Variants in NCOA3 observed in about 807,000 individuals in gnomAD.
The protein encoded by NCOA3 is CBP-interacting protein.
NCOA3 carries 51 observed loss-of-function variants against 158.8 expected under a neutral mutation model. The observed-to-expected ratio is 0.32, with a 90% CI of 0.26 to 0.41. The LOEUF is 0.41. Among genes scored for constraint, NCOA3 ranks in the 10% least tolerant of loss-of-function variants. NCOA3 has a pLI of 1.00. For missense variants in NCOA3, 1,510 were observed against 1,746.6 expected, an observed-to-expected ratio of 0.86 and a Z score of 2.41; for synonymous variants, 537 against 592.4, an observed-to-expected ratio of 0.91 and a Z score of 1.36.
At chr20:47,544,426 C>T (rs1016893414) in intron 1 of NCOA3, among the ~76,000 whole-genome samples, 2 of 149,548 alleles carry the variant, frequency 1.3e-5, no homozygotes, top group African/African-American at 2.5e-5. Context: ...TGGGTTTAAG[C>T]GGTCCTTCTG....
At chr20:47,633,692 T>A in intron 9 of NCOA3, 56 bp downstream of exon 9, 1 of 1,553,440 alleles carries the variant, frequency 6.4e-7, no homozygotes, top group Non-Finnish European at 8.7e-7. Context: ...AGACAGGGCC[T>A]TGCTATCTTG....
At chr20:47,639,538 A>T in intron 14 of NCOA3, 39 bp from the exon 15 acceptor site, 1 of 1,607,092 alleles carries the variant, frequency 6.2e-7, no homozygotes. Context: ...GGATTTCATT[A>T]TAATATGGAA....
intron 1 of NCOA3, among the ~76,000 whole-genome samples, chr20:47,502,616 G>A (rs1220670512): frequency 2.0e-5 from 3 of 151,884 alleles, no homozygotes; most frequent in Non-Finnish European, 2.9e-5. Flanking sequence ...GTAAAAAGGC[G>A]TTTTACTACC....
intron 1 of NCOA3, among the ~76,000 whole-genome samples, chr20:47,507,346 C>T (rs1489331678): frequency 6.6e-6 from 1 of 151,934 alleles, no homozygotes; most frequent in Non-Finnish European, 1.5e-5. Flanking sequence ...ATGCTTTTAC[C>T]TTTAAAAAGA....
chr20:47,504,983 TA>T (rs1347020832), intron 1 of NCOA3, among the ~76,000 whole-genome samples: 1 of 133,484 alleles, frequency 7.5e-6, no homozygotes, highest in Non-Finnish European at 1.6e-5. Context: ...ATGGTTAAAA[TA>T]AATGGCTTTG....
chr20:47,617,247 C>T (rs1297827592), intron 2 of NCOA3, among the ~76,000 whole-genome samples: 13 of 152,294 alleles, frequency 8.5e-5, no homozygotes, highest in African/African-American at 2.9e-4. Flanking sequence ...TGAGCCACCG[C>T]GCCTGGCCTA....
chr20:47,515,195 G>T (rs184287024), intron 1 of NCOA3, among the ~76,000 whole-genome samples: 2 of 150,288 alleles, frequency 1.3e-5, no homozygotes, highest in Non-Finnish European at 1.5e-5. Flanking sequence ...ATGGAGTCTC[G>T]CTCTGTTGCC....
intron 1 of NCOA3, among the ~76,000 whole-genome samples, chr20:47,573,497 C>T (rs1044700299): frequency 2.0e-5 from 3 of 152,102 alleles, no homozygotes; most frequent in African/African-American, 7.2e-5. Flanking sequence ...AGGAGCATCA[C>T]CAAAATGTAA....
chr20:47,540,861 G>A (rs1390653209), intron 1 of NCOA3, among the ~76,000 whole-genome samples: 1 of 152,060 alleles, frequency 6.6e-6, no homozygotes, highest in African/African-American at 2.4e-5. Flanking sequence ...TTGGGGCTGG[G>A]GTAATCTAGG....
chr20:47,614,075 A>ACT (rs376996651), intron 2 of NCOA3, among the ~76,000 whole-genome samples: 70,150 of 151,656 alleles, frequency 0.46, 16,753 homozygotes, highest in Middle Eastern at 0.59. Context: ...CACGTTATAA[A>ACT]AGCTCTTCCC....
chr20:47,528,331 T>A (rs1471366162), intron 1 of NCOA3, among the ~76,000 whole-genome samples: 1 of 152,206 alleles, frequency 6.6e-6, no homozygotes, highest in Non-Finnish European at 1.5e-5. Context: ...GGCCTAGAGC[T>A]TCATCTTTTT....
In NCOA3 at chr20:47,548,239, T is replaced by TA. The variant is rs3091531; in HGVS notation, c.-98-34932dup. Among the ~76,000 whole-genome samples, 631 of 148,446 alleles carry TA rather than the reference T, an allele frequency of 4.3e-3. 8 individuals carry two copies. Among genetic ancestry groups the TA allele is most frequent in the African/African-American group, 0.014 (570 of 40,700 alleles). On this transcript the variant is annotated intron_variant, in intron 1 of 22. Coordinates refer to ENST00000371998, the MANE Select transcript of NCOA3 (RefSeq NM_181659.3). ...TAAGCCTAATAAAAAAAGGTTCCTT[T>TA]AAAAAAAAAAAATTCATTCTAGGCC...
At chr20:47,578,188 A>G (rs1344625612) in intron 1 of NCOA3, among the ~76,000 whole-genome samples, 2 of 151,504 alleles carry the variant, frequency 1.3e-5, no homozygotes, top group African/African-American at 4.8e-5. Flanking sequence ...ATATAACTTT[A>G]TTATTATTAT....
intron 1 of NCOA3, among the ~76,000 whole-genome samples, chr20:47,517,139 A>G (rs1185560035): frequency 6.6e-6 from 1 of 152,054 alleles, no homozygotes; most frequent in Non-Finnish European, 1.5e-5. Context: ...AATTGCTTGA[A>G]CCTTGGAGGT....
At chr20:47,623,140 G>A (rs907803079) in intron 3 of NCOA3, 8 of 152,172 alleles carry the variant, frequency 5.3e-5, no homozygotes, top group Admixed American at 5.2e-4. Context: ...ACAAAATAAT[G>A]TAATCTATAT....
chr20:47,639,807 C>G lies in NCOA3; in HGVS notation c.2938C>G (p.Gln980Glu). ...GAGACCAGTATTGCAACAGCAGCAGCAGATGCTTCAAATGAGTAAGTGTCC... is the reference window on the plus strand; with the variant it reads ...GAGACCAGTATTGCAACAGCAGCAGGAGATGCTTCAAATGAGTAAGTGTCC... ...GARPVLQQQQ[Q>E]MLQMRPGEIP... Residue 980 changes from glutamine (Q) to glutamate (E), a missense_variant, in exon 15 of 23, where the codon CAG (glutamine) becomes GAG (glutamate). Gln to Glu is a conservative substitution (Grantham distance 29, BLOSUM62 2). This residue lies in a region of NCOA3 where 1,017 missense variants were observed against 1,098.3 expected (regional missense o/e 0.93). Coordinates refer to ENST00000371998, the MANE Select transcript of NCOA3 (RefSeq NM_181659.3). 1 of 1,614,178 alleles carries G rather than the reference C, an allele frequency of 6.2e-7. No homozygotes were observed. The highest frequency in any genetic ancestry group is 8.5e-7 in the Non-Finnish European group (1 of 1,180,020).
intron 2 of NCOA3, 68 bp from the exon 3 acceptor site, chr20:47,622,161 A>G (rs1348294318): frequency 5.0e-6 from 4 of 793,144 alleles, no homozygotes; most frequent in Non-Finnish European, 8.3e-6. Flanking sequence ...ATTCAGTCAT[A>G]TAACACCTTC....
intron 2 of NCOA3, among the ~76,000 whole-genome samples, chr20:47,603,209 A>G (rs1171062073): frequency 1.3e-5 from 2 of 152,264 alleles, no homozygotes; most frequent in Non-Finnish European, 2.9e-5. Flanking sequence ...CTCAAGAGAC[A>G]TCTCTTAAAT....
rs867396513 is a variant in NCOA3 at position 47,542,025 on chromosome 20, T to G, written c.-99+40006T>G. On this transcript the variant is annotated intron_variant, in intron 1 of 22. Coordinates refer to ENST00000371998, the MANE Select transcript of NCOA3 (RefSeq NM_181659.3). ...CCCTGTAGAGTTTTTTTTTTTTTTT[T>G]TTTTTGTTGTTGTTGTTGTTGGAGG... is the stretch of plus-strand genomic sequence containing the variant. Among the ~76,000 whole-genome samples the G allele has an allele frequency of 3.0e-3, 315 of 105,874 alleles. 6 individuals carry two copies. The highest frequency in any genetic ancestry group is 1.0e-2 in the African/African-American group (303 of 30,312). 69.5% of individuals were successfully genotyped at this position (105,874 alleles called of 152,430 possible). A position where few individuals can be genotyped will look rare whatever the true frequency, so the allele number is the denominator to read the frequency against.
Sources: gnomAD v4.1 joint callset for allele counts (sites outside exome capture counted in the v4.1 genomes callset) on GRCh38, gnomAD v4.1.1 for gene constraint, gnomAD v4.1.1 regional missense constraint, MANE v1.5 for transcripts, NCBI Gene and HGNC (gene_info 2026-07-23, HGNC 2026-07-21) for gene names.